CDC14A: variants seen among roughly 807,000 people sequenced by gnomAD.
The protein encoded by CDC14A is cell division cycle 14A.
In CDC14A, 53 loss-of-function variants were observed where a neutral mutation model predicts 74.4. The observed-to-expected ratio is 0.71, with a 90% CI of 0.57 to 0.89. The LOEUF is 0.89. Ranked by LOEUF, CDC14A falls within the 40% of genes least tolerant of loss-of-function variation. CDC14A has a pLI of 0.00. For synonymous variants in CDC14A, 247 were observed against 258.4 expected (o/e 0.96, Z 0.43); for missense variants, 646 against 713.7 (o/e 0.91, Z 1.08).
chr1:100,483,411 T>TA (rs1196421678), intron 10 of CDC14A, among the ~76,000 whole-genome samples: 1 of 152,214 alleles, frequency 6.6e-6, no homozygotes. Flanking sequence ...CCTGTTGCTT[T>TA]AAAAAATATC....
rs947767799 is a variant in CDC14A at position 100,393,266 on chromosome 1, T to G, written c.309+2442T>G. On this transcript the variant is annotated intron_variant, in intron 4 of 15. Coordinates refer to ENST00000336454, the MANE Select transcript of CDC14A (RefSeq NM_003672.4). Reference sequence around the variant, plus strand: ...ACTTCTGAAGTTCTTTCTGTGCATGTTCAATCATATGAACTAGATTTTCAT... The same window carrying G: ...ACTTCTGAAGTTCTTTCTGTGCATGGTCAATCATATGAACTAGATTTTCAT... 12 of 1,376,826 alleles carry G rather than the reference T, an allele frequency of 8.7e-6. No individual in the cohort carries two copies. In the East Asian group the frequency reaches 2.7e-4, roughly 31 times the overall value. The allele number at this position is 1,376,826 out of a possible 1,614,324, so 85.3% of individuals were successfully genotyped here.
At chr1:100,414,521 A>G (rs906231470) in intron 4 of CDC14A, among the ~76,000 whole-genome samples, 1 of 152,300 alleles carries the variant, frequency 6.6e-6, no homozygotes, top group Non-Finnish European at 1.5e-5. Context: ...ACTTGATCCA[A>G]TTCAGTCCTG....
rs765333916 is a variant in CDC14A at position 100,462,829 on chromosome 1, G to T, written c.786G>T (p.Arg262Ser). ...GSTPSDNIVR[R>S]FLNICENTEG... Reference sequence around the variant, plus strand: ...CACCCAGTGACAACATCGTGCGAAGGTTCCTGAACATCTGTGAGAACACCG... The same window carrying T: ...CACCCAGTGACAACATCGTGCGAAGTTTCCTGAACATCTGTGAGAACACCG... The change falls in exon 9 of 16, where the codon AGG becomes AGT. Residue 262 changes from arginine (R) to serine (S), a missense_variant. Coordinates refer to ENST00000336454, the MANE Select transcript of CDC14A (RefSeq NM_003672.4). 6.2e-7 allele frequency: 1 copy of T among 1,614,026 alleles called. No individual in the cohort carries two copies. Among genetic ancestry groups the T allele is most frequent in the East Asian group, 2.2e-5 (1 of 44,856 alleles).
At chr1:100,492,136 A>G (rs538396684) in intron 11 of CDC14A, among the ~76,000 whole-genome samples, 3 of 152,300 alleles carry the variant, frequency 2.0e-5, no homozygotes, top group African/African-American at 4.8e-5. Flanking sequence ...TTTGACCTTT[A>G]AGATTCACAA....
chr1:100,509,609 C>T lies in CDC14A; in HGVS notation c.1756-8642C>T, dbSNP rs138091146. ...ATATTTTTATTGCACCTTCCTCTTA[C>T]ACACACATACACATACATGTGGATG... On this transcript the variant is annotated intron_variant, in intron 15 of 15. Coordinates refer to ENST00000336454, the MANE Select transcript of CDC14A (RefSeq NM_003672.4). Among the ~76,000 whole-genome samples the T allele has an allele frequency of 3.0e-3, 462 of 152,330 alleles. 2 individuals are homozygous for T. Among genetic ancestry groups the T allele is most frequent in the African/African-American group, 0.01 (421 of 41,570 alleles).
At chr1:100,424,088 G>T (rs1347713933) in intron 4 of CDC14A, 134 bp from the exon 5 acceptor site, 3 of 672,120 alleles carry the variant, frequency 4.5e-6, no homozygotes, top group East Asian at 2.7e-5. Flanking sequence ...TTGGCAAGTT[G>T]TTGCTTTGTA....
rs1283422739 is a variant in CDC14A, at chr1:100,519,906, T to A, written c.*1626T>A. 5 of 152,200 alleles carry A rather than the reference T, an allele frequency of 3.3e-5. No individual in the cohort carries two copies. The highest frequency in any genetic ancestry group is 1.2e-4 in the African/African-American group (5 of 41,438). 9.4% of individuals were successfully genotyped at this position (152,200 alleles called of 1,614,324 possible). On this transcript the variant is annotated 3_prime_UTR_variant, in exon 16 of 16. Coordinates refer to ENST00000336454, the MANE Select transcript of CDC14A (RefSeq NM_003672.4). ...AAGTTATCATAAAAAGTAATTCAGA[T>A]GACATTTGAGAAGTAGGGGAAAGGG... is the stretch of plus-strand genomic sequence containing the variant.
At position 100,377,608 on chromosome 1, in the gene CDC14A, A is replaced by G. The variant is rs757576834; in HGVS notation, c.203A>G (p.Asn68Ser). The change falls in exon 3 of 16, where the codon AAC becomes AGC. Residue 68 changes from asparagine (N) to serine (S), a missense_variant. By Grantham distance (46) the Asn-to-Ser change is conservative. Coordinates refer to ENST00000336454, the MANE Select transcript of CDC14A (RefSeq NM_003672.4). Reference protein sequence around the residue: ...AMVYRYCCKLNKKLKSYSLSR... With the variant: ...AMVYRYCCKLSKKLKSYSLSR... ...GTGTACAGATATTGCTGCAAACTAA[A>G]CAAGAAACTAAAAGTGAGTATTGTA... The G allele has an allele frequency of 5.0e-6, 8 of 1,611,422 alleles. No individual in the cohort carries two copies. In the African/African-American group the frequency reaches 5.3e-5, roughly 11 times the overall value.
chr1:100,415,491 T>G (rs1286538608), intron 4 of CDC14A, among the ~76,000 whole-genome samples: 1 of 152,210 alleles, frequency 6.6e-6, no homozygotes, highest in East Asian at 1.9e-4. Context: ...CAGGTTCTGC[T>G]TAACTTCTAT....
intron 4 of CDC14A, among the ~76,000 whole-genome samples, chr1:100,409,502 T>C (rs897046767): frequency 2.6e-5 from 4 of 152,200 alleles, no homozygotes; most frequent in Admixed American, 6.5e-5. Flanking sequence ...CCTATGAGCC[T>C]ATAAAGTCAA....
At chr1:100,404,265 T>C (rs7531643) in intron 4 of CDC14A, among the ~76,000 whole-genome samples, 44,660 of 151,856 alleles carry the variant, frequency 0.29, 9,318 homozygotes, top group African/African-American at 0.59. Context: ...ATTTTTAGTG[T>C]TCAAAATAGG....
chr1:100,505,763 C>T (rs577338402), intron 15 of CDC14A, among the ~76,000 whole-genome samples: 79 of 152,188 alleles, frequency 5.2e-4, no homozygotes, highest in Non-Finnish European at 9.0e-4. Flanking sequence ...CTGCTTTTGT[C>T]GCTATTAAGA....
chr1:100,483,121 T>C (rs1163462204), intron 10 of CDC14A, among the ~76,000 whole-genome samples: 1 of 152,214 alleles, frequency 6.6e-6, no homozygotes, highest in Non-Finnish European at 1.5e-5. Flanking sequence ...ATGGGATTGC[T>C]GGGACGAATG....
At chr1:100,420,039 C>T (rs752349800) in intron 4 of CDC14A, among the ~76,000 whole-genome samples, 27 of 9,188 alleles carry the variant, frequency 2.9e-3, no homozygotes, top group African/African-American at 0.025. Context: ...TATACACACA[C>T]ACACACACAC....
At chr1:100,418,423 T>A (rs564034883) in intron 4 of CDC14A, among the ~76,000 whole-genome samples, 1 of 152,164 alleles carries the variant, frequency 6.6e-6, no homozygotes, top group Non-Finnish European at 1.5e-5. Flanking sequence ...ATATCAGGTA[T>A]GTTTAGGGAA....
intron 7 of CDC14A, among the ~76,000 whole-genome samples, chr1:100,448,613 C>T (rs1571218075): frequency 6.6e-6 from 1 of 152,220 alleles, no homozygotes; most frequent in African/African-American, 2.4e-5. Flanking sequence ...ACTCTGGCTG[C>T]TCCAGTCTGC....
At chr1:100,435,779 G>GT (rs1181430874) in intron 5 of CDC14A, among the ~76,000 whole-genome samples, 2 of 140,168 alleles carry the variant, frequency 1.4e-5, no homozygotes, top group Non-Finnish European at 3.0e-5. Context: ...AGCCAAGATT[G>GT]TGCCAGTGCG....
chr1:100,429,234 T>TAAATAAATAAATAAATAAATATAAA, intron 5 of CDC14A, among the ~76,000 whole-genome samples: 1 of 146,500 alleles, frequency 6.8e-6, no homozygotes, highest in East Asian at 2.0e-4. Flanking sequence ...AATAAATAAA[T>TAAATAAATAAATAAATAAATATAAA]ATAAAATAAA....
chr1:100,361,558 C>G (rs2100898064), intron 2 of CDC14A, among the ~76,000 whole-genome samples: 1 of 151,910 alleles, frequency 6.6e-6, no homozygotes, highest in Non-Finnish European at 1.5e-5. Flanking sequence ...ATATGGGGCT[C>G]AAGAAATTTT....
Sources: gnomAD v4.1 joint callset for allele counts (sites outside exome capture counted in the v4.1 genomes callset) on GRCh38, gnomAD v4.1.1 for gene constraint, MANE v1.5 for transcripts, NCBI Gene and HGNC (gene_info 2026-07-23, HGNC 2026-07-21) for gene names.